Variants in PRKAB2 observed in about 807,000 individuals in gnomAD.
PRKAB2 encodes 5'-AMP-activated protein kinase subunit beta-2.
Under a neutral mutation model 29.8 loss-of-function variants are expected in PRKAB2, and 18 were observed. That is an observed-to-expected ratio of 0.60 (90% confidence interval 0.42 to 0.89). The LOEUF is 0.89. Among genes scored for constraint, PRKAB2 ranks in the 40% least tolerant of loss-of-function variants. The probability of loss-of-function intolerance (pLI) is 0.00; values close to 1 mark genes in which losing one functional copy is unlikely to be tolerated. For synonymous variants in PRKAB2, 136 were observed against 125.9 expected, an observed-to-expected ratio of 1.08 and a Z score of -0.54; for missense variants, 270 against 344.3, an observed-to-expected ratio of 0.78 and a Z score of 1.71.
intron 2 of PRKAB2, among the ~76,000 whole-genome samples, chr1:147,170,470 A>G (rs1394609684): frequency 6.6e-6 from 1 of 152,234 alleles, no homozygotes; most frequent in Non-Finnish European, 1.5e-5. Flanking sequence ...AGCTTTGAAG[A>G]AGTAAATTCA....
rs371441555 is a variant in PRKAB2 at position 147,159,517 on chromosome 1, G to C, written c.*48C>G. The stretch of plus-strand genomic sequence containing the variant: ...GGTAAGACTGGTTCAGTCCAGAAAT[G>C]CAAGGGAGATGCTTCTCCTGAATCC... On this transcript the variant is annotated 3_prime_UTR_variant, in exon 8 of 8. Coordinates refer to ENST00000254101, the MANE Select transcript of PRKAB2 (RefSeq NM_005399.5). 9.2e-5 allele frequency: 141 copies of C among 1,539,270 alleles called. No individual in the cohort carries two copies. Among genetic ancestry groups the C allele is most frequent in the Non-Finnish European group, 1.3e-4 (141 of 1,114,172 alleles).
intron 3 of PRKAB2, 125 bp from the exon 4 acceptor site, chr1:147,167,064 G>C (rs1263336881): frequency 1.3e-6 from 1 of 765,440 alleles, no homozygotes; most frequent in Non-Finnish European, 2.2e-6. Context: ...GTATCCCCTG[G>C]TGTAAAAAAC....
intron 6 of PRKAB2, 125 bp from the exon 7 acceptor site, chr1:147,161,905 TCAATAATGCACC>T: frequency 1.4e-6 from 1 of 697,662 alleles, no homozygotes; most frequent in East Asian, 2.8e-5. Context: ...CTATCTCTTT[TCAATAATGCACC>T]CACTCTAGTA....
rs996588543 is a variant in PRKAB2, at chr1:147,158,291, T to C, written c.*1274A>G. ...TGTTAACATTTGGTGCAAAGAATGATACTTTTCATGGTTGGGAATACTAGG... is the reference window on the plus strand; with the variant it reads ...TGTTAACATTTGGTGCAAAGAATGACACTTTTCATGGTTGGGAATACTAGG... On this transcript the variant is annotated 3_prime_UTR_variant, in exon 8 of 8. Coordinates refer to ENST00000254101, the MANE Select transcript of PRKAB2 (RefSeq NM_005399.5). 6 of 152,192 alleles carry C rather than the reference T, an allele frequency of 3.9e-5. No individual in the cohort carries two copies. The highest frequency in any genetic ancestry group is 1.4e-4 in the African/African-American group (6 of 41,446). 9.4% of individuals were successfully genotyped at this position (152,192 alleles called of 1,614,324 possible).
At chr1:147,164,820 G>C (rs1654156748) in intron 5 of PRKAB2, among the ~76,000 whole-genome samples, 1 of 152,150 alleles carries the variant, frequency 6.6e-6, no homozygotes, top group Non-Finnish European at 1.5e-5. Context: ...AAGTATGCAA[G>C]TCTTCTCTCT....
chr1:147,165,151 G>A lies in PRKAB2; in HGVS notation c.538+1347C>T, dbSNP rs181518854. On this transcript the variant is annotated intron_variant, in intron 5 of 7. Coordinates refer to ENST00000254101, the MANE Select transcript of PRKAB2 (RefSeq NM_005399.5). Reference sequence around the variant, plus strand: ...CGTCATTCTCCTGCCTCAGCCTCCCGAGTAGCTGGGACTACAGGCGCCTGC... The same window carrying A: ...CGTCATTCTCCTGCCTCAGCCTCCCAAGTAGCTGGGACTACAGGCGCCTGC... Among the ~76,000 whole-genome samples the A allele has an allele frequency of 4.3e-3, 648 of 152,148 alleles. 5 individuals are homozygous for A. The highest frequency in any genetic ancestry group is 0.019 in the South Asian group (93 of 4,820).
At position 147,156,208 on chromosome 1, in the gene PRKAB2, C is replaced by T. The variant is rs1473183957; in HGVS notation, c.*3357G>A. 6.6e-6 allele frequency: 1 copy of T among 151,820 alleles called. No homozygotes were observed. Among genetic ancestry groups the T allele is most frequent in the Non-Finnish European group, 1.5e-5 (1 of 67,980 alleles). 9.4% of individuals were successfully genotyped at this position (151,820 alleles called of 1,614,324 possible). A position where few individuals can be genotyped will look rare whatever the true frequency, so the allele number is the denominator to read the frequency against. On this transcript the variant is annotated 3_prime_UTR_variant, in exon 8 of 8. Coordinates refer to ENST00000254101, the MANE Select transcript of PRKAB2 (RefSeq NM_005399.5). ...GAGAATGTAGAAATCTCTGAGAACA[C>T]AATGTATTTCAAACACACACAGAGA... is the stretch of plus-strand genomic sequence containing the variant.
chr1:147,162,541 G>C lies in PRKAB2; in HGVS notation c.571C>G (p.Gln191Glu), dbSNP rs1553913202. ...LSSSPPGPYG[Q>E]EMYAFRSEER... ...TCAGATCGAAACGCATACATTTCTT[G>C]ACCATAAGGCCCTGGGGGTGAGCTG... Residue 191 changes from glutamine (Q) to glutamate (E), a missense_variant, in exon 6 of 8, where the codon CAA (glutamine) becomes GAA (glutamate). Coordinates refer to ENST00000254101, the MANE Select transcript of PRKAB2 (RefSeq NM_005399.5). The C allele has an allele frequency of 1.9e-6, 3 of 1,612,446 alleles. No individual in the cohort carries two copies. Among genetic ancestry groups the C allele is most frequent in the Non-Finnish European group, 8.5e-7 (1 of 1,178,740 alleles).
chr1:147,158,797 A>T lies in PRKAB2; in HGVS notation c.*768T>A, dbSNP rs1348011985. 1 of 152,156 alleles carries T rather than the reference A, an allele frequency of 6.6e-6. No individual in the cohort carries two copies. The highest frequency in any genetic ancestry group is 1.9e-4 in the East Asian group (1 of 5,190). The allele number at this position is 152,156 out of a possible 1,614,324, so 9.4% of individuals were successfully genotyped here. ...CATTCTGCCTTTCTTATAATGCTGA[A>T]ACATATTTTCTTTAGAAGTTAAAAC... On this transcript the variant is annotated 3_prime_UTR_variant, in exon 8 of 8. Coordinates refer to ENST00000254101, the MANE Select transcript of PRKAB2 (RefSeq NM_005399.5).
At chr1:147,171,162 C>G (rs1439240683) in intron 2 of PRKAB2, among the ~76,000 whole-genome samples, 3 of 152,260 alleles carry the variant, frequency 2.0e-5, no homozygotes, top group Non-Finnish European at 2.9e-5. Context: ...TCAGCTCCAT[C>G]TGTCCTTTCT....
chr1:147,172,453 A>C lies in PRKAB2; in HGVS notation c.-48T>G. ...CCTCGGGCGATGCGCTCCCTCCTCC[A>C]AGGGCCACTGATGTGATGGCTGTTC... On this transcript the variant is annotated 5_prime_UTR_variant, in exon 1 of 8. Transcript: ENST00000254101. 4.3e-6 allele frequency: 2 copies of C among 462,438 alleles called. No homozygotes were observed. Among genetic ancestry groups the C allele is most frequent in the Non-Finnish European group, 7.7e-6 (2 of 260,400 alleles). The allele number at this position is 462,438 out of a possible 1,614,324, so 28.6% of individuals were successfully genotyped here.
At chr1:147,166,680 C>A in intron 4 of PRKAB2, 62 bp from the exon 5 acceptor site, 1 of 1,592,312 alleles carries the variant, frequency 6.3e-7, no homozygotes, top group Non-Finnish European at 8.6e-7. Flanking sequence ...TTCCATCCAA[C>A]CTTCCTCTTT....
At position 147,160,393 on chromosome 1, in the gene PRKAB2, A is replaced by T. The variant is rs1653898012; in HGVS notation, c.742-751T>A. On this transcript the variant is annotated intron_variant, in intron 7 of 7. Coordinates refer to ENST00000254101, the MANE Select transcript of PRKAB2 (RefSeq NM_005399.5). ...AAGACAGCAAGAGGTACCATTTCCC[A>T]GGCTGTGTTGTAGACTACAGATGTA... Among the ~76,000 whole-genome samples, 3 of 152,196 alleles carry T rather than the reference A, an allele frequency of 2.0e-5. No individual in the cohort carries two copies. In the South Asian group the frequency reaches 6.2e-4, roughly 32 times the overall value.
In PRKAB2 at chr1:147,169,369, G is replaced by A. The variant is rs114868239; in HGVS notation, c.157-1436C>T. 9.8e-3 allele frequency among the ~76,000 whole-genome samples: 1,490 copies of A among 152,236 alleles called. 23 individuals carry two copies. The highest frequency in any genetic ancestry group is 0.034 in the African/African-American group (1,408 of 41,532). On this transcript the variant is annotated intron_variant, in intron 2 of 7. Transcript: ENST00000254101. The stretch of plus-strand genomic sequence containing the variant: ...TTTCACATAAGGAATTGACTTAAGA[G>A]AAAACTACATATTCTCAGAACAATG...
At position 147,161,706 on chromosome 1, in the gene PRKAB2, A is replaced by G; in HGVS notation, c.741+6T>C. 2 of 1,610,180 alleles carry G rather than the reference A, an allele frequency of 1.2e-6. No individual in the cohort carries two copies. The highest frequency in any genetic ancestry group is 1.7e-6 in the Non-Finnish European group (2 of 1,176,578). ...AGCTCTGTGAAGAGCCAGGGCCACC[A>G]CTTACCTTAATGGACAATGCATAGA... On this transcript the variant is annotated splice_donor_region_variant and intron_variant, in intron 7 of 7. Transcript: ENST00000254101.
intron 2 of PRKAB2, among the ~76,000 whole-genome samples, chr1:147,170,594 TG>T (rs1553914215): frequency 4.0e-4 from 60 of 151,338 alleles, no homozygotes; most frequent in African/African-American, 1.4e-3. Flanking sequence ...TTTGTTTTTT[TG>T]TTTTTTTGTT....
Position 147,159,422 on chromosome 1 carries a change from G to C in PRKAB2, c.*143C>G. 1 of 623,454 alleles carries C rather than the reference G, an allele frequency of 1.6e-6. No homozygotes were observed. Among genetic ancestry groups the C allele is most frequent in the Non-Finnish European group, 2.8e-6 (1 of 360,256 alleles). The allele number at this position is 623,454 out of a possible 1,614,324, so 38.6% of individuals were successfully genotyped here. A position where few individuals can be genotyped will look rare whatever the true frequency, so the allele number is the denominator to read the frequency against. ...CTCTCATCTGCAATCAAATGCAAAA[G>C]CAGAGCATCCTACTCAGAGGCTCTG... On this transcript the variant is annotated 3_prime_UTR_variant, in exon 8 of 8. Coordinates refer to ENST00000254101, the MANE Select transcript of PRKAB2 (RefSeq NM_005399.5).
At position 147,172,039 on chromosome 1, in the gene PRKAB2, T is replaced by G. The variant is rs782544337; in HGVS notation, c.106A>C (p.Met36Leu). ...CTGGGGTCGTCCGTACTCCCCACCA[T>G]GATCTTGTGCTCCTTCCCCGGGGCA... The part of the protein sequence containing the change: ...GHAPGKEHKI[M>L]VGSTDDPSVF... The change falls in exon 2 of 8, where the codon ATG (methionine) becomes CTG (leucine). Residue 36 changes from methionine to leucine, a missense_variant. Physicochemically the swap from Met to Leu is conservative, Grantham distance 15. Transcript: ENST00000254101. 2.5e-6 allele frequency: 4 copies of G among 1,592,954 alleles called. No homozygotes were observed. The highest frequency in any genetic ancestry group is 3.4e-5 in the Admixed American group (2 of 58,002).
intron 1 of PRKAB2, 111 bp from the exon 2 acceptor site, chr1:147,172,278 G>A (rs924351941): frequency 5.3e-5 from 67 of 1,266,684 alleles, no homozygotes; most frequent in Non-Finnish European, 6.7e-5. Context: ...CCGCCCCAGG[G>A]AAGCCGAGCC....
Sources: gnomAD v4.1 joint callset for allele counts (sites outside exome capture counted in the v4.1 genomes callset) on GRCh38, gnomAD v4.1.1 for gene constraint, MANE v1.5 for transcripts, NCBI Gene and HGNC (gene_info 2026-07-23, HGNC 2026-07-21) for gene names.